Variants in ZCWPW1 observed in about 807,000 individuals in gnomAD.
ZCWPW1 encodes the protein zinc finger CW-type PWWP domain protein 1.
Under a neutral mutation model 81.3 loss-of-function variants are expected in ZCWPW1, and 56 were observed. The ratio of observed to expected loss-of-function variants is 0.69; its 90% confidence interval spans 0.56 to 0.86. ZCWPW1 has a LOEUF of 0.86. ZCWPW1 is among the 40% of genes least tolerant of loss of function. The pLI is 0.00. For synonymous variants in ZCWPW1, 250 were observed against 273.7 expected (o/e 0.91, Z 0.86); for missense variants, 650 against 769.8 (o/e 0.84, Z 1.84).
intron 1 of ZCWPW1, among the ~76,000 whole-genome samples, chr7:100,426,236 G>GT (rs1296302571): frequency 6.6e-6 from 1 of 152,190 alleles, no homozygotes; most frequent in Non-Finnish European, 1.5e-5. Context: ...GCTCACGCCT[G>GT]TAATTCCAGC....
At chr7:100,411,940 T>C (rs557003743) in intron 8 of ZCWPW1, among the ~76,000 whole-genome samples, 118 of 152,326 alleles carry the variant, frequency 7.7e-4, no homozygotes, top group African/African-American at 2.8e-3. Flanking sequence ...GATGTGGCTC[T>C]ATGATCATGA....
At chr7:100,405,359 A>T (rs1792774392) in intron 12 of ZCWPW1, among the ~76,000 whole-genome samples, 1 of 151,832 alleles carries the variant, frequency 6.6e-6, no homozygotes, top group African/African-American at 2.4e-5. Context: ...CCCAGGAGGC[A>T]GAGGTTGCAG....
At position 100,428,577 on chromosome 7, in the gene ZCWPW1, T is replaced by G. The variant is rs932313331; in HGVS notation, c.-146A>C. On this transcript the variant is annotated 5_prime_UTR_variant, in exon 1 of 18. Coordinates refer to ENST00000684423, the MANE Select transcript of ZCWPW1 (RefSeq NM_001386010.1). ...TCCTTCACGCCCTCACCTTAGGATT[T>G]TGAGACTCTCCTGGACCCCACTGTC... The G allele has an allele frequency of 1.3e-5, 2 of 152,642 alleles. No homozygotes were observed. The highest frequency in any genetic ancestry group is 2.9e-5 in the Non-Finnish European group (2 of 68,354). 9.5% of individuals were successfully genotyped at this position (152,642 alleles called of 1,614,324 possible).
At chr7:100,417,383 C>T in intron 5 of ZCWPW1, 200 bp from the exon 6 acceptor site, 1 of 519,920 alleles carries the variant, frequency 1.9e-6, no homozygotes, top group Non-Finnish European at 3.4e-6. Flanking sequence ...ATCGATCTGC[C>T]TCATTCCAGG....
In ZCWPW1 at chr7:100,428,667, CG is replaced by C. The variant is rs1198197863; in HGVS notation, c.-237del. ...AGGGAGACCGGGCGGCGCATCTCCC[CG>C]GGAAAACGGCGTAGACTCGCTTCTT... On this transcript the variant is annotated 5_prime_UTR_variant, in exon 1 of 18. The change abolishes the stop of an existing upstream ORF in the 5' untranslated region. Transcript: ENST00000684423. 1 of 152,366 alleles carries C rather than the reference CG, an allele frequency of 6.6e-6. No homozygotes were observed. The highest frequency in any genetic ancestry group is 6.5e-5 in the Admixed American group (1 of 15,282). 9.4% of individuals were successfully genotyped at this position (152,366 alleles called of 1,614,324 possible).
intron 1 of ZCWPW1, among the ~76,000 whole-genome samples, chr7:100,427,381 G>C (rs961552379): frequency 6.6e-6 from 1 of 150,990 alleles, no homozygotes; most frequent in African/African-American, 2.4e-5. Flanking sequence ...TGGCCAATAC[G>C]GTGAAACCCC....
chr7:100,408,394 G>T, intron 10 of ZCWPW1, 145 bp downstream of exon 10: 1 of 1,178,452 alleles, frequency 8.5e-7, no homozygotes, highest in Non-Finnish European at 1.2e-6. Flanking sequence ...TCCAGGCTTG[G>T]TACTTTATCT....
chr7:100,403,840 T>A, intron 14 of ZCWPW1, 55 bp from the exon 15 acceptor site: 1 of 1,501,556 alleles, frequency 6.7e-7, no homozygotes, highest in South Asian at 1.2e-5. Flanking sequence ...AAATAGTGAG[T>A]TAATGAAGCT....
chr7:100,412,659 G>C (rs1028997126), intron 8 of ZCWPW1, among the ~76,000 whole-genome samples: 4 of 151,926 alleles, frequency 2.6e-5, no homozygotes, highest in Admixed American at 2.6e-4. Flanking sequence ...TCCACTCACT[G>C]CAAGCTCTGC....
In ZCWPW1 at chr7:100,401,896, G is replaced by T. The variant is rs765960810; in HGVS notation, c.1620C>A (p.Asp540Glu). The T allele has an allele frequency of 6.2e-7, 1 of 1,612,394 alleles. No individual in the cohort carries two copies. ...RKEGQGNSDSDQPGPKKKFKA... is the reference protein window; with the variant it reads ...RKEGQGNSDSEQPGPKKKFKA... ...CCAGGCCTTGAGCCTTACCTGGCTG[G>T]TCAGAATCTGAATTCCCTTGGCCTT... The change falls in exon 17 of 18, where the codon GAC becomes GAA. Residue 540 changes from aspartate to glutamate, a missense_variant. Physicochemically the swap from Asp to Glu is conservative, Grantham distance 45. Transcript: ENST00000684423.
chr7:100,426,492 C>CAAAAA (rs1239534406), intron 1 of ZCWPW1, among the ~76,000 whole-genome samples: 1 of 72,254 alleles, frequency 1.4e-5, no homozygotes, highest in African/African-American at 4.9e-5. Flanking sequence ...GACTCTGTCT[C>CAAAAA]AAAAAAAAAA....
chr7:100,418,426 G>A (rs1168611514), intron 5 of ZCWPW1, among the ~76,000 whole-genome samples: 1 of 152,166 alleles, frequency 6.6e-6, no homozygotes, highest in Non-Finnish European at 1.5e-5. Context: ...TGAAATGGGA[G>A]AATCGTTTGC....
At chr7:100,417,224 G>A (rs199819301) in intron 5 of ZCWPW1, 41 bp from the exon 6 acceptor site, 328 of 1,466,494 alleles carry the variant, frequency 2.2e-4, no homozygotes, top group Non-Finnish European at 2.8e-4. Context: ...GCAAAAAAAC[G>A]AAAAAGCCAC....
chr7:100,406,368 C>T (rs1264242436), intron 12 of ZCWPW1, among the ~76,000 whole-genome samples: 1 of 152,112 alleles, frequency 6.6e-6, no homozygotes, highest in African/African-American at 2.4e-5. Context: ...ATTATCTCGC[C>T]CGAAATGCCA....
In ZCWPW1 at chr7:100,409,480, C is replaced by G. The variant is rs747595302; in HGVS notation, c.819G>C (p.Gly273=). The G allele has an allele frequency of 1.1e-5, 18 of 1,614,114 alleles. No individual in the cohort carries two copies. In the African/African-American group the frequency reaches 2.3e-4, roughly 20 times the overall value. ...CTGGGAGAACTGAGGGGTCAATGTT[C>G]CCACACAGCCGCCTCCATTTCCCAC... ...PNCGKWRRLC[G]NIDPSVLPDN... is the part of the protein sequence containing the mutation. Residue 273 remains glycine, a synonymous_variant, in exon 9 of 18, where the codon GGG becomes GGC. Transcript: ENST00000684423.
At chr7:100,402,609 T>C (rs772541711) in intron 15 of ZCWPW1, 33 bp from the exon 16 acceptor site, 2 of 1,602,702 alleles carry the variant, frequency 1.2e-6, no homozygotes, top group South Asian at 2.2e-5. Flanking sequence ...AAAAAAATGA[T>C]AAATCAAGGC....
At chr7:100,406,328 G>A (rs562772494) in intron 12 of ZCWPW1, among the ~76,000 whole-genome samples, 14 of 152,256 alleles carry the variant, frequency 9.2e-5, no homozygotes, top group South Asian at 2.1e-4. Flanking sequence ...AACATCCCAC[G>A]ATGCACAGGA....
At chr7:100,425,609 T>C (rs1044381621) in intron 1 of ZCWPW1, among the ~76,000 whole-genome samples, 2 of 152,236 alleles carry the variant, frequency 1.3e-5, no homozygotes, top group African/African-American at 4.8e-5. Context: ...TCCAACTACC[T>C]ATCTGTATTA....
chr7:100,419,997 T>A (rs1218203567), intron 3 of ZCWPW1, 114 bp from the exon 4 acceptor site: 1 of 876,992 alleles, frequency 1.1e-6, no homozygotes, highest in Non-Finnish European at 1.7e-6. Context: ...TTTTAACAAA[T>A]TCAGATTCCT....
Sources: gnomAD v4.1 joint callset for allele counts (sites outside exome capture counted in the v4.1 genomes callset) on GRCh38, gnomAD v4.1.1 for gene constraint, MANE v1.5 for transcripts, NCBI Gene and HGNC (gene_info 2026-07-23, HGNC 2026-07-21) for gene names.